Variants in KCNQ2 observed in about 807,000 individuals in gnomAD.
The protein encoded by KCNQ2 is potassium voltage-gated channel subfamily KQT member 2.
Under a neutral mutation model 84.8 loss-of-function variants are expected in KCNQ2, and 14 were observed. That is an observed-to-expected ratio of 0.17 (90% CI 0.11 to 0.26). The LOEUF (loss-of-function observed/expected upper bound fraction) is 0.26, where lower values mean the gene tolerates loss of function less well. Among genes scored for constraint, KCNQ2 ranks in the 10% least tolerant of loss-of-function variants. The pLI is 1.00. For missense variants in KCNQ2, 788 were observed against 1,254.0 expected (o/e 0.63, Z 5.61); for synonymous variants, 599 against 554.1 (o/e 1.08, Z -1.14).
chr20:63,454,591 G>A (rs746582204), intron 1 of KCNQ2, among the ~76,000 whole-genome samples: 5 of 152,274 alleles, frequency 3.3e-5, no homozygotes, highest in African/African-American at 9.6e-5. Context: ...CGGCCGAACC[G>A]TGGGGAAGAC....
intron 14 of KCNQ2, among the ~76,000 whole-genome samples, chr20:63,413,809 C>T (rs1453954439): frequency 6.6e-6 from 1 of 152,240 alleles, no homozygotes; most frequent in East Asian, 1.9e-4. Context: ...CTCCATGCCA[C>T]AGCAGGCAGA....
intron 1 of KCNQ2, among the ~76,000 whole-genome samples, chr20:63,456,121 G>A (rs1002607194): frequency 8.6e-6 from 1 of 116,268 alleles, no homozygotes; most frequent in East Asian, 2.6e-4. Flanking sequence ...CCCCACCTCC[G>A]GGAGGCCCCT....
At position 63,414,438 on chromosome 20, in the gene KCNQ2, G is replaced by A. The variant is rs1301530883; in HGVS notation, c.1526-245C>T. Among the ~76,000 whole-genome samples the A allele has an allele frequency of 2.0e-5, 3 of 152,138 alleles. No individual in the cohort carries two copies. Among genetic ancestry groups the A allele is most frequent in the Admixed American group, 1.3e-4 (2 of 15,288 alleles). ...GATATGGGGCGTCAAAGGACATTCT[G>A]GCCAATGGATGAACAGAACATGGCG... On this transcript the variant is annotated intron_variant, in intron 13 of 16. Transcript: ENST00000359125. The surrounding 1 kb of genome is among the most constrained non-coding windows in gnomAD (Gnocchi z 6.6).
At chr20:63,432,531 T>C (rs1393388058) in intron 8 of KCNQ2, among the ~76,000 whole-genome samples, 50 of 103,354 alleles carry the variant, frequency 4.8e-4, no homozygotes, top group Admixed American at 7.0e-4. Context: ...CAGGGAAGGC[T>C]CCACCCTCTG....
intron 1 of KCNQ2, among the ~76,000 whole-genome samples, chr20:63,469,035 C>G (rs1446227944): frequency 1.3e-5 from 2 of 152,248 alleles, no homozygotes; most frequent in African/African-American, 4.8e-5. Context: ...TTTCCCACAC[C>G]CAGCAACCCA....
chr20:63,409,861 G>C (rs1160986221), intron 15 of KCNQ2: 2 of 80,546 alleles, frequency 2.5e-5, no homozygotes, highest in Non-Finnish European at 2.6e-5. Flanking sequence ...CTGCCACTGG[G>C]CTGCCCTACC....
chr20:63,441,412 G>A (rs2081159227), intron 5 of KCNQ2, among the ~76,000 whole-genome samples: 1 of 152,104 alleles, frequency 6.6e-6, no homozygotes, highest in Admixed American at 6.5e-5. Context: ...CAGAGGGGAG[G>A]GCACCGCGGC....
chr20:63,433,531 G>C, intron 8 of KCNQ2: 1 of 623,450 alleles, frequency 1.6e-6, no homozygotes, highest in Non-Finnish European at 2.8e-6. Context: ...TGAGCTCCCT[G>C]GGGAGCGTCC....
intron 12 of KCNQ2, among the ~76,000 whole-genome samples, chr20:63,418,894 C>T (rs7360293): frequency 6.6e-6 from 1 of 152,218 alleles, no homozygotes; most frequent in Admixed American, 6.5e-5. Context: ...CCAGCACCAC[C>T]GGCGGCATGC....
In KCNQ2 at chr20:63,404,495, C is replaced by T. The variant is rs528722511; in HGVS notation, c.*2149G>A. The T allele has an allele frequency of 2.0e-5, 3 of 152,534 alleles. No individual in the cohort carries two copies. The highest frequency in any genetic ancestry group is 1.9e-4 in the East Asian group (1 of 5,198). The allele number at this position is 152,534 out of a possible 1,614,324, so 9.4% of individuals were successfully genotyped here. A position where few individuals can be genotyped will look rare whatever the true frequency, so the allele number is the denominator to read the frequency against. On this transcript the variant is annotated 3_prime_UTR_variant, in exon 17 of 17. Coordinates refer to ENST00000359125, the MANE Select transcript of KCNQ2 (RefSeq NM_172107.4). Reference sequence around the variant, plus strand: ...AGCCTCCCTCCACTGCCAGGTCTCCCTTCTCCAGGGTCCTGGAGTCCAGGT... The same window carrying T: ...AGCCTCCCTCCACTGCCAGGTCTCCTTTCTCCAGGGTCCTGGAGTCCAGGT...
At chr20:63,429,225 A>C (rs1267386608) in intron 9 of KCNQ2, among the ~76,000 whole-genome samples, 1 of 143,622 alleles carries the variant, frequency 7.0e-6, no homozygotes, top group Admixed American at 6.9e-5. Flanking sequence ...CCCTCACAGC[A>C]TTCCAGCTCG....
chr20:63,414,174 C>G lies in KCNQ2; in HGVS notation c.1545G>C (p.Glu515Asp), dbSNP rs117067974. ...GGCAGCTCTTGTCATCCACAATGTCCTCTCCGGGGAGGCTTGCTTCTGGGG... is the reference window on the plus strand; with the variant it reads ...GGCAGCTCTTGTCATCCACAATGTCGTCTCCGGGGAGGCTTGCTTCTGGGG... ...QNSEEASLPG[E>D]DIVDDKSCPC... Residue 515 changes from glutamate (E) to aspartate (D), a missense_variant, in exon 14 of 17, where the codon GAG becomes GAC. Glu to Asp is a conservative substitution (Grantham distance 45, BLOSUM62 2). Transcript: ENST00000359125. The surrounding 1 kb of genome is among the most constrained non-coding windows in gnomAD (Gnocchi z 6.6). The G allele has an allele frequency of 1.2e-3, 1,868 of 1,613,606 alleles. 36 individuals are homozygous for G. The East Asian group carries it at 0.037, about 32-fold the overall frequency.
chr20:63,418,934 G>A (rs544198902), intron 12 of KCNQ2, among the ~76,000 whole-genome samples: 18 of 152,338 alleles, frequency 1.2e-4, no homozygotes, highest in South Asian at 4.1e-4. Flanking sequence ...ACAGGAGCAC[G>A]ACACAGCCAC....
In KCNQ2 at chr20:63,411,899, G is replaced by A. The variant is rs1002803383; in HGVS notation, c.1763+1551C>T. On this transcript the variant is annotated intron_variant, in intron 15 of 16. Transcript: ENST00000359125. ...ATATCTATCCTGGCAGAGTAAACAA[G>A]AAAAGAGACACCGGCGAAACGCATC... The A allele has an allele frequency of 9.8e-6, 7 of 713,644 alleles. No homozygotes were observed. In the African/African-American group the frequency reaches 1.2e-4, roughly 13 times the overall value. The allele number at this position is 713,644 out of a possible 1,614,324, so 44.2% of individuals were successfully genotyped here. A position where few individuals can be genotyped will look rare whatever the true frequency, so the allele number is the denominator to read the frequency against.
chr20:63,452,034 C>A (rs948941744), intron 1 of KCNQ2, among the ~76,000 whole-genome samples: 11 of 152,256 alleles, frequency 7.2e-5, no homozygotes, highest in African/African-American at 2.7e-4. Flanking sequence ...GCGGCCCGGC[C>A]AAGGTCAGCC....
intron 12 of KCNQ2, among the ~76,000 whole-genome samples, chr20:63,418,861 G>C (rs934640434): frequency 6.6e-6 from 1 of 151,988 alleles, no homozygotes; most frequent in Non-Finnish European, 1.5e-5. Flanking sequence ...TAGGCAGCAT[G>C]CAGCCCCACC....
intron 7 of KCNQ2, among the ~76,000 whole-genome samples, chr20:63,435,001 A>AGAAACAACC (rs2080950458): frequency 6.6e-6 from 1 of 152,196 alleles, no homozygotes; most frequent in Non-Finnish European, 1.5e-5. Flanking sequence ...GAACTTTCTG[A>AGAAACAACC]GAAACAACCG....
intron 1 of KCNQ2, among the ~76,000 whole-genome samples, chr20:63,463,014 A>ACAT (rs1426001119): frequency 6.6e-6 from 1 of 151,992 alleles, no homozygotes; most frequent in East Asian, 1.9e-4. Context: ...TACTGGCTGG[A>ACAT]CATCATTTTA....
Position 63,414,667 on chromosome 20 carries a change from G to C in KCNQ2, c.1525+236C>G, listed in dbSNP as rs568815007. ...TGGTGATGAGAATGTTCTGGAACTA[G>C]GCTGAGGTGGTGGTGACAACTCCAC... On this transcript the variant is annotated intron_variant, in intron 13 of 16. Transcript: ENST00000359125. The surrounding 1 kb of genome is among the most constrained non-coding windows in gnomAD (Gnocchi z 6.6). Among the ~76,000 whole-genome samples the C allele has an allele frequency of 6.6e-6, 1 of 151,708 alleles. No individual in the cohort carries two copies. Among genetic ancestry groups the C allele is most frequent in the Admixed American group, 6.6e-5 (1 of 15,196 alleles).
Sources: gnomAD v4.1 joint callset for allele counts (sites outside exome capture counted in the v4.1 genomes callset) on GRCh38, gnomAD v4.1.1 for gene constraint, Gnocchi (gnomAD v3.1) non-coding constraint, MANE v1.5 for transcripts, NCBI Gene and HGNC (gene_info 2026-07-23, HGNC 2026-07-21) for gene names.